Variants in TMEM132D observed in about 807,000 individuals in gnomAD.
TMEM132D encodes transmembrane protein 132D, also known as mature OL transmembrane protein.
TMEM132D carries 21 observed loss-of-function variants against 62.3 expected under a neutral mutation model. That is an observed-to-expected ratio of 0.34 (90% CI 0.24 to 0.49). TMEM132D has a LOEUF of 0.49. Ranked by LOEUF, TMEM132D falls within the 20% of genes least tolerant of loss-of-function variation. The pLI, the probability that TMEM132D is intolerant of heterozygous loss-of-function variation, is 0.99. For synonymous variants in TMEM132D, 621 were observed against 575.6 expected (o/e 1.08, Z -1.13); for missense variants, 1,346 against 1,402.8 (o/e 0.96, Z 0.65).
rs144426487 is a variant in TMEM132D, at chr12:129,499,622, G to A, written c.1115+31437C>T. 2.0e-3 allele frequency among the ~76,000 whole-genome samples: 297 copies of A among 152,276 alleles called. 2 individuals are homozygous for A. Among genetic ancestry groups the A allele is most frequent in the African/African-American group, 6.9e-3 (288 of 41,558 alleles). On this transcript the variant is annotated intron_variant, in intron 3 of 8. Transcript: ENST00000422113. Reference sequence around the variant, plus strand: ...TTCCGTCCTAGGGCCCCAGTAATGGGCATCTTCCACAGGCTGGTGACATCA... The same window carrying A: ...TTCCGTCCTAGGGCCCCAGTAATGGACATCTTCCACAGGCTGGTGACATCA...
chr12:129,114,324 A>G (rs1367939591), intron 5 of TMEM132D, among the ~76,000 whole-genome samples: 1 of 152,038 alleles, frequency 6.6e-6, no homozygotes, highest in Non-Finnish European at 1.5e-5. Flanking sequence ...AATGCACAGG[A>G]CACCCCCACC....
chr12:129,246,547 G>A (rs530342499), intron 4 of TMEM132D, among the ~76,000 whole-genome samples: 20 of 152,278 alleles, frequency 1.3e-4, no homozygotes, highest in Admixed American at 3.9e-4. Context: ...CTTGAGGTTA[G>A]GAGTTTGAGA....
intron 3 of TMEM132D, among the ~76,000 whole-genome samples, chr12:129,477,309 C>T (rs1874293208): frequency 6.6e-6 from 1 of 152,168 alleles, no homozygotes; most frequent in Non-Finnish European, 1.5e-5. Context: ...TAAGACCCCC[C>T]TCCTCATCCT....
At chr12:129,451,060 C>A (rs186759633) in intron 3 of TMEM132D, among the ~76,000 whole-genome samples, 2 of 152,138 alleles carry the variant, frequency 1.3e-5, no homozygotes, top group African/African-American at 2.4e-5. Flanking sequence ...CCGCGCCCGG[C>A]CAATTTTCAT....
rs76502159 is a variant in TMEM132D, at chr12:129,345,485, C to T, written c.1116-7668G>A. On this transcript the variant is annotated intron_variant, in intron 3 of 8. Transcript: ENST00000422113. ...GCTTAAGAAGACAAAACTGGTGTTT[C>T]TATGTAATACTGGTATTTGGCTTCA... is the stretch of plus-strand genomic sequence containing the variant. 9.4e-3 allele frequency among the ~76,000 whole-genome samples: 1,436 copies of T among 152,238 alleles called. 22 individuals carry two copies. Among genetic ancestry groups the T allele is most frequent in the African/African-American group, 0.033 (1,375 of 41,540 alleles).
intron 1 of TMEM132D, among the ~76,000 whole-genome samples, chr12:129,862,583 C>T (rs552697967): frequency 2.6e-5 from 4 of 152,304 alleles, no homozygotes; most frequent in African/African-American, 9.6e-5. Flanking sequence ...ATCAGCTATG[C>T]CTCTCCCATC....
At chr12:129,838,555 G>A (rs1873078229) in intron 1 of TMEM132D, among the ~76,000 whole-genome samples, 1 of 152,198 alleles carries the variant, frequency 6.6e-6, no homozygotes, top group Non-Finnish European at 1.5e-5. Flanking sequence ...TAACACAGAT[G>A]TGGCTCTGTA....
chr12:129,664,960 T>A (rs1271944399), intron 2 of TMEM132D, among the ~76,000 whole-genome samples: 1 of 152,174 alleles, frequency 6.6e-6, no homozygotes, highest in Non-Finnish European at 1.5e-5. Flanking sequence ...AATGCTATTA[T>A]CCCTATTATG....
At chr12:129,555,558 T>C (rs1031870093) in intron 2 of TMEM132D, among the ~76,000 whole-genome samples, 1 of 152,174 alleles carries the variant, frequency 6.6e-6, no homozygotes, top group Non-Finnish European at 1.5e-5. Flanking sequence ...AGAAGAAAAA[T>C]GTTTTTGGAC....
chr12:129,216,259 C>T (rs1056248962), intron 4 of TMEM132D, among the ~76,000 whole-genome samples: 1 of 152,164 alleles, frequency 6.6e-6, no homozygotes, highest in African/African-American at 2.4e-5. Context: ...CTAATAAATG[C>T]CCTCCCAAAT....
intron 1 of TMEM132D, among the ~76,000 whole-genome samples, chr12:129,848,656 G>T (rs1280470136): frequency 6.6e-6 from 1 of 152,144 alleles, no homozygotes; most frequent in African/African-American, 2.4e-5. Flanking sequence ...TTTTCACTGG[G>T]TTTGTCTTTT....
chr12:129,390,285 G>C (rs1350866957), intron 3 of TMEM132D, among the ~76,000 whole-genome samples: 2 of 152,076 alleles, frequency 1.3e-5, no homozygotes, highest in East Asian at 1.9e-4. Context: ...GATCATCTAT[G>C]GCTCCTTATT....
chr12:129,531,913 G>C (rs1425080202), intron 2 of TMEM132D, among the ~76,000 whole-genome samples: 3 of 152,078 alleles, frequency 2.0e-5, no homozygotes, highest in Non-Finnish European at 4.4e-5. Flanking sequence ...AAAATTATTT[G>C]AGTGTGGTGG....
intron 5 of TMEM132D, among the ~76,000 whole-genome samples, chr12:129,120,831 ATT>A (rs555439087): frequency 6.6e-6 from 1 of 150,940 alleles, no homozygotes; most frequent in Admixed American, 6.6e-5. Context: ...AGTGCAGTTC[ATT>A]TTTTTTTGTT....
chr12:129,414,290 G>A (rs1477962979), intron 3 of TMEM132D, among the ~76,000 whole-genome samples: 1 of 152,144 alleles, frequency 6.6e-6, no homozygotes, highest in East Asian at 1.9e-4. Flanking sequence ...TTTCCTAGCA[G>A]CAAACACATA....
chr12:129,421,443 G>T (rs1484646474), intron 3 of TMEM132D, among the ~76,000 whole-genome samples: 1 of 152,182 alleles, frequency 6.6e-6, no homozygotes, highest in Non-Finnish European at 1.5e-5. Flanking sequence ...ATACATTTGT[G>T]CTTGTCGCAC....
intron 5 of TMEM132D, among the ~76,000 whole-genome samples, chr12:129,112,685 T>C (rs545233144): frequency 6.6e-6 from 1 of 152,232 alleles, no homozygotes; most frequent in East Asian, 1.9e-4. Context: ...TTAAGTAAGA[T>C]TAAAGATTTA....
chr12:129,101,940 C>T (rs1448157949), intron 5 of TMEM132D, among the ~76,000 whole-genome samples: 2 of 151,962 alleles, frequency 1.3e-5, no homozygotes, highest in African/African-American at 2.4e-5. Flanking sequence ...TCATAATCCC[C>T]CGCTTCTCTG....
intron 3 of TMEM132D, among the ~76,000 whole-genome samples, chr12:129,361,920 C>A (rs1870261152): frequency 6.6e-6 from 1 of 152,186 alleles, no homozygotes; most frequent in South Asian, 2.1e-4. Flanking sequence ...CAAGATAAGC[C>A]TTTTAGAAAA....
Sources: allele counts gnomAD v4.1 joint callset (sites outside exome capture counted in the v4.1 genomes callset), GRCh38; gene constraint gnomAD v4.1.1; transcripts MANE v1.5; gene names NCBI Gene and HGNC (gene_info 2026-07-23, HGNC 2026-07-21).